AKAP13: variants seen among roughly 807,000 people sequenced by gnomAD.
AKAP13 encodes the protein A-kinase anchoring protein 13.
Under a neutral mutation model 264.5 loss-of-function variants are expected in AKAP13, and 80 were observed. The ratio of observed to expected loss-of-function variants is 0.30; its 90% CI spans 0.25 to 0.36. The LOEUF is 0.36. Ranked by LOEUF, AKAP13 falls within the 10% of genes least tolerant of loss-of-function variation. The probability of loss-of-function intolerance (pLI) is 1.00; values close to 1 mark genes in which losing one functional copy is unlikely to be tolerated. For synonymous variants in AKAP13, 1,380 were observed against 1,250.2 expected (o/e 1.10, Z -2.19); for missense variants, 3,712 against 3,435.2 (o/e 1.08, Z -2.01).
chr15:85,628,479 T>G (rs1328254307), intron 8 of AKAP13, among the ~76,000 whole-genome samples: 1 of 152,188 alleles, frequency 6.6e-6, no homozygotes, highest in Non-Finnish European at 1.5e-5. Flanking sequence ...GGTTTTACTT[T>G]TAAATGTTTA....
At chr15:85,619,333 G>A in intron 8 of AKAP13, 1 of 980,938 alleles carries the variant, frequency 1.0e-6, no homozygotes, top group African/African-American at 1.7e-5. Context: ...AAGGGAGGAG[G>A]AGGCTGGCTA....
At chr15:85,489,002 C>T (rs1162601793) in intron 2 of AKAP13, among the ~76,000 whole-genome samples, 1 of 152,168 alleles carries the variant, frequency 6.6e-6, no homozygotes, top group East Asian at 1.9e-4. Context: ...GCAGTTAGGT[C>T]AGTTAGAAAC....
intron 8 of AKAP13, among the ~76,000 whole-genome samples, chr15:85,625,686 A>AC (rs1261095231): frequency 6.6e-6 from 1 of 151,926 alleles, no homozygotes; most frequent in African/African-American, 2.4e-5. Flanking sequence ...TCCTAGCAAG[A>AC]CCCCCATCGC....
chr15:85,518,926 T>C (rs537286478), intron 2 of AKAP13, among the ~76,000 whole-genome samples: 28 of 152,342 alleles, frequency 1.8e-4, no homozygotes, highest in African/African-American at 6.7e-4. Context: ...GGATTTCATC[T>C]GCCTATAATT....
At chr15:85,525,560 A>G (rs754614247) in intron 3 of AKAP13, among the ~76,000 whole-genome samples, 1 of 152,252 alleles carries the variant, frequency 6.6e-6, no homozygotes, top group Non-Finnish European at 1.5e-5. Context: ...GTTCAAGAAT[A>G]TAATTTGCCT....
At position 85,482,890 on chromosome 15, in the gene AKAP13, T is replaced by G. The variant is rs1033472793; in HGVS notation, c.-11-2820T>G. 9.2e-5 allele frequency among the ~76,000 whole-genome samples: 14 copies of G among 152,242 alleles called. 1 individual carries two copies. Among genetic ancestry groups the G allele is most frequent in the South Asian group, 4.1e-4 (2 of 4,832 alleles). On this transcript the variant is annotated intron_variant, in intron 1 of 36. Transcript: ENST00000394518. ...CTGGGGTCATTACTTTGATTACTTT[T>G]GACAGATACATTCTTTTCAGCAGCC...
At chr15:85,433,117 GTTTTTTTT>G (rs199655190) in intron 1 of AKAP13, among the ~76,000 whole-genome samples, 1,304 of 53,318 alleles carry the variant, frequency 0.024, 19 homozygotes, top group Non-Finnish European at 0.032. Context: ...CTTCTGTACA[GTTTTTTTT>G]TTTTTTTTTT....
chr15:85,583,517 T>TA (rs1239340063), intron 7 of AKAP13, among the ~76,000 whole-genome samples: 2 of 152,296 alleles, frequency 1.3e-5, no homozygotes, highest in Admixed American at 1.3e-4. Flanking sequence ...CTCTAATTTT[T>TA]AAAAAAAGCC....
intron 1 of AKAP13, among the ~76,000 whole-genome samples, chr15:85,420,237 G>T (rs1349240997): frequency 6.6e-6 from 1 of 151,732 alleles, no homozygotes; most frequent in African/African-American, 2.4e-5. Context: ...CACCGCGCCC[G>T]GCCTTTTTTT....
intron 1 of AKAP13, among the ~76,000 whole-genome samples, chr15:85,423,394 A>G (rs1325253619): frequency 6.6e-6 from 1 of 152,250 alleles, no homozygotes; most frequent in East Asian, 1.9e-4. Context: ...TGTCATTTCA[A>G]CAATGCACAG....
intron 1 of AKAP13, chr15:85,381,727 T>C (rs1339907002): frequency 6.6e-6 from 1 of 152,172 alleles, no homozygotes; most frequent in African/African-American, 2.4e-5. Context: ...AGCGGTATTT[T>C]GGTGTTCATT....
Position 85,693,381 on chromosome 15 carries a change from T to C in AKAP13, c.5394T>C (p.Pro1798=), listed in dbSNP as rs769804334. 3.1e-6 allele frequency: 5 copies of C among 1,614,044 alleles called. No individual in the cohort carries two copies. The highest frequency in any genetic ancestry group is 4.2e-6 in the Non-Finnish European group (5 of 1,179,972). ...TVNGHTFSSI[P]VVGPISCSQC... ...ACGGGCACACTTTCAGTTCCATTCC[T>C]GTTGTGGGTCCCATCAGCTGTAGCC... Residue 1798 remains proline (P), a synonymous_variant, in exon 17 of 37, where the codon CCT becomes CCC. Coordinates refer to ENST00000394518, the MANE Select transcript of AKAP13 (RefSeq NM_007200.5).
At chr15:85,689,112 T>C (rs1300107634) in intron 16 of AKAP13, among the ~76,000 whole-genome samples, 4 of 152,244 alleles carry the variant, frequency 2.6e-5, no homozygotes, top group African/African-American at 9.6e-5. Flanking sequence ...AGAAATGTTT[T>C]AGACAAATCT....
Position 85,743,537 on chromosome 15 carries a change from C to G in AKAP13, c.8104C>G (p.Pro2702Ala), listed in dbSNP as rs1182438982. 5 of 1,614,194 alleles carry G rather than the reference C, an allele frequency of 3.1e-6. No homozygotes were observed. In the East Asian group the frequency reaches 1.1e-4, roughly 36 times the overall value. The change falls in exon 36 of 37, where the codon CCC becomes GCC. Residue 2702 changes from proline to alanine, a missense_variant. Physicochemically the swap from Pro to Ala is conservative, Grantham distance 27. Transcript: ENST00000394518. Reference protein sequence around the residue: ...TKLMRIPSFFPSPEEPPSPSA... With the variant: ...TKLMRIPSFFASPEEPPSPSA... ...GCTGATGAGGATCCCATCGTTCTTC[C>G]CCAGTCCTGAGGAGCCCCCCTCGCC...
chr15:85,392,401 T>G (rs1166953201), intron 1 of AKAP13, among the ~76,000 whole-genome samples: 1 of 151,562 alleles, frequency 6.6e-6, no homozygotes, highest in Non-Finnish European at 1.5e-5. Context: ...ACTACAGGCG[T>G]GCACCACCAC....
chr15:85,436,844 A>T (rs1596166267), intron 1 of AKAP13, among the ~76,000 whole-genome samples: 1 of 152,044 alleles, frequency 6.6e-6, no homozygotes, highest in Non-Finnish European at 1.5e-5. Context: ...TTATAGCACT[A>T]AATGCCCACA....
intron 16 of AKAP13, among the ~76,000 whole-genome samples, chr15:85,687,985 C>T (rs987232092): frequency 6.8e-5 from 10 of 146,696 alleles, no homozygotes; most frequent in Non-Finnish European, 1.0e-4. Context: ...GGCTGCAGTA[C>T]GCTGTGTGCA....
chr15:85,675,482 G>T (rs576816911), intron 14 of AKAP13, among the ~76,000 whole-genome samples: 1 of 152,156 alleles, frequency 6.6e-6, no homozygotes, highest in Non-Finnish European at 1.5e-5. Context: ...CTGATAAAGG[G>T]AAGTTCATTT....
intron 1 of AKAP13, among the ~76,000 whole-genome samples, chr15:85,407,126 A>G (rs1471066397): frequency 1.3e-5 from 2 of 151,690 alleles, no homozygotes; most frequent in East Asian, 1.9e-4. Context: ...ATAGTGAGAG[A>G]TATGGAAATT....
Sources: allele counts gnomAD v4.1 joint callset (sites outside exome capture counted in the v4.1 genomes callset), GRCh38; gene constraint gnomAD v4.1.1; transcripts MANE v1.5; gene names NCBI Gene and HGNC (gene_info 2026-07-23, HGNC 2026-07-21).